Variants in SLAMF6 observed in about 807,000 individuals in gnomAD.
SLAMF6 encodes NK-T-B-antigen.
In SLAMF6, 21 loss-of-function variants were observed where a neutral mutation model predicts 38.3. The observed-to-expected ratio is 0.55, with a 90% CI of 0.39 to 0.79. The LOEUF is 0.79. Ranked by LOEUF, SLAMF6 falls within the 30% of genes least tolerant of loss-of-function variation. The probability of loss-of-function intolerance (pLI) is 0.00; values close to 1 mark genes in which losing one functional copy is unlikely to be tolerated. For synonymous variants in SLAMF6, 152 were observed against 146.3 expected, an observed-to-expected ratio of 1.04 and a Z score of -0.28; for missense variants, 341 against 385.3, an observed-to-expected ratio of 0.89 and a Z score of 0.96.
At chr1:160,490,809 G>A in intron 3 of SLAMF6, 124 bp from the exon 4 acceptor site, 1 of 1,437,742 alleles carries the variant, frequency 7.0e-7, no homozygotes, top group East Asian at 2.5e-5. Context: ...ATAGCCGGAG[G>A]CTCTGGGGTG....
intron 4 of SLAMF6, 68 bp from the exon 5 acceptor site, chr1:160,490,304 G>T: frequency 1.2e-6 from 2 of 1,607,062 alleles, no homozygotes; most frequent in Non-Finnish European, 1.7e-6. Flanking sequence ...CCCTAACCCC[G>T]TGAGTGTTGG....
At chr1:160,502,762 C>T (rs1252416872) in intron 1 of SLAMF6, among the ~76,000 whole-genome samples, 1 of 152,084 alleles carries the variant, frequency 6.6e-6, no homozygotes. Flanking sequence ...AGCTTAGGCC[C>T]ATCTATAGCT....
intron 1 of SLAMF6, among the ~76,000 whole-genome samples, chr1:160,502,833 A>G (rs1557942266): frequency 6.6e-6 from 1 of 152,180 alleles, no homozygotes; most frequent in Non-Finnish European, 1.5e-5. Context: ...GAAAGAGAGT[A>G]GGGGCTGATT....
At chr1:160,509,560 G>A (rs868667732) in intron 1 of SLAMF6, among the ~76,000 whole-genome samples, 3 of 152,134 alleles carry the variant, frequency 2.0e-5, no homozygotes, top group African/African-American at 4.8e-5. Context: ...TGTAAATGAC[G>A]AGTTGATGGG....
In SLAMF6 at chr1:160,502,947, T is replaced by C. The variant is rs116818136; in HGVS notation, c.50-6554A>G. Reference sequence around the variant, plus strand: ...TAGGTAACAGAGTCCTGAGCAAATTTGGAGCAAAGGGAAGCAGCTGGGAGA... The same window carrying C: ...TAGGTAACAGAGTCCTGAGCAAATTCGGAGCAAAGGGAAGCAGCTGGGAGA... On this transcript the variant is annotated intron_variant, in intron 1 of 7. Coordinates refer to ENST00000368057, the MANE Select transcript of SLAMF6 (RefSeq NM_001184714.2). 3.2e-3 allele frequency among the ~76,000 whole-genome samples: 486 copies of C among 152,234 alleles called. 1 individual carries two copies. The highest frequency in any genetic ancestry group is 0.011 in the African/African-American group (462 of 41,528).
rs772448366 is a variant in SLAMF6, at chr1:160,496,246, A to G, written c.197T>C (p.Val66Ala). 2 of 1,613,960 alleles carry G rather than the reference A, an allele frequency of 1.2e-6. No individual in the cohort carries two copies. The highest frequency in any genetic ancestry group is 1.1e-5 in the South Asian group (1 of 91,074). The change falls in exon 2 of 8, where the codon GTA (valine) becomes GCA (alanine). Residue 66 changes from valine (V) to alanine (A), a missense_variant. Physicochemically the swap from Val to Ala is moderately conservative, Grantham distance 64. Transcript: ENST00000368057. Reference sequence around the variant, plus strand: ...TTCTGGACTTTTGGTTTCATGGGGTACTATGAAGGCAAGAGATGTTTCATT... The same window carrying G: ...TTCTGGACTTTTGGTTTCATGGGGTGCTATGAAGGCAAGAGATGTTTCATT... ...LFNETSLAFI[V>A]PHETKSPEIH...
chr1:160,517,790 G>T (rs1489917613), intron 1 of SLAMF6, among the ~76,000 whole-genome samples: 1 of 152,180 alleles, frequency 6.6e-6, no homozygotes, highest in Non-Finnish European at 1.5e-5. Flanking sequence ...ACTTGTAAGT[G>T]GGAGCTGAAC....
chr1:160,519,537 A>G (rs772820158), intron 1 of SLAMF6, among the ~76,000 whole-genome samples: 1 of 152,222 alleles, frequency 6.6e-6, no homozygotes, highest in African/African-American at 2.4e-5. Flanking sequence ...AAAGGCAAAA[A>G]CAACCCAGGT....
At chr1:160,523,067 C>G (rs1225997583) in intron 1 of SLAMF6, 77 bp downstream of exon 1, 32 of 1,513,492 alleles carry the variant, frequency 2.1e-5, no homozygotes, top group Non-Finnish European at 2.4e-5. Flanking sequence ...CAACTGTATA[C>G]AGACGATTTA....
intron 1 of SLAMF6, among the ~76,000 whole-genome samples, chr1:160,522,391 CTCTGGACTAGA>C (rs1254849786): frequency 1.3e-5 from 2 of 152,174 alleles, no homozygotes; most frequent in Admixed American, 1.3e-4. Context: ...CCTGGGCTAG[CTCTGGACTAGA>C]TTTCCATTGG....
intron 1 of SLAMF6, among the ~76,000 whole-genome samples, chr1:160,511,912 G>C (rs550498054): frequency 6.6e-6 from 1 of 152,160 alleles, no homozygotes; most frequent in African/African-American, 2.4e-5. Context: ...GGGGCAAGGG[G>C]TGCTCCCACC....
chr1:160,487,270 A>C, intron 6 of SLAMF6, 95 bp from the exon 7 acceptor site: 1 of 1,140,738 alleles, frequency 8.8e-7, no homozygotes, highest in Non-Finnish European at 1.3e-6. Flanking sequence ...AAAAAAGAGA[A>C]TATGTCAAAG....
chr1:160,515,875 A>T (rs549945392), intron 1 of SLAMF6, among the ~76,000 whole-genome samples: 6 of 152,326 alleles, frequency 3.9e-5, no homozygotes, highest in African/African-American at 1.4e-4. Context: ...AGAGACATTT[A>T]TGACAAACCA....
At chr1:160,491,540 A>T (rs922372941) in intron 2 of SLAMF6, 152 bp from the exon 3 acceptor site, 1 of 1,106,404 alleles carries the variant, frequency 9.0e-7, no homozygotes, top group African/African-American at 1.6e-5. Flanking sequence ...TATATTGCCT[A>T]ATTGATGGTA....
chr1:160,513,234 C>T (rs867192642), intron 1 of SLAMF6, among the ~76,000 whole-genome samples: 1 of 151,904 alleles, frequency 6.6e-6, no homozygotes, highest in African/African-American at 2.4e-5. Flanking sequence ...GTATCAATAG[C>T]CGAATAGACC....
At chr1:160,490,315 G>A (rs1571281265) in intron 4 of SLAMF6, 79 bp from the exon 5 acceptor site, 1 of 1,603,570 alleles carries the variant, frequency 6.2e-7, no homozygotes, top group Middle Eastern at 2.2e-4. Context: ...TGAGTGTTGG[G>A]ATGTGGTGGG....
At position 160,496,377 on chromosome 1, in the gene SLAMF6, T is replaced by C. The variant is rs147282142; in HGVS notation, c.66A>G (p.Gln22=). Residue 22 remains glutamine, a synonymous_variant, in exon 2 of 8, where the codon CAA becomes CAG. Coordinates refer to ENST00000368057, the MANE Select transcript of SLAMF6 (RefSeq NM_001184714.2). ...FCFGPGNVVS[Q]SSLTPLMVNG... is the part of the protein sequence containing the mutation. ...TCACCATCAATGGGGTTAAGCTGCT[T>C]TGTGAAACTACATTCCCTGTAAACA... 4.3e-6 allele frequency: 7 copies of C among 1,613,062 alleles called. No individual in the cohort carries two copies. Among genetic ancestry groups the C allele is most frequent in the Non-Finnish European group, 5.9e-6 (7 of 1,179,334 alleles).
chr1:160,510,874 A>G (rs1654436956), intron 1 of SLAMF6, among the ~76,000 whole-genome samples: 1 of 152,234 alleles, frequency 6.6e-6, no homozygotes, highest in African/African-American at 2.4e-5. Context: ...GCTAATAAAT[A>G]AATTCAGCAA....
chr1:160,513,391 A>G (rs1654587456), intron 1 of SLAMF6, among the ~76,000 whole-genome samples: 1 of 152,196 alleles, frequency 6.6e-6, no homozygotes, highest in Non-Finnish European at 1.5e-5. Flanking sequence ...ACAACTGATT[A>G]TGGTACCTGA....
Sources: gnomAD v4.1 joint callset for allele counts (sites outside exome capture counted in the v4.1 genomes callset) on GRCh38, gnomAD v4.1.1 for gene constraint, MANE v1.5 for transcripts, NCBI Gene and HGNC (gene_info 2026-07-23, HGNC 2026-07-21) for gene names.